The following BRD3 variants were observed in gnomAD, a reference collection of about 807,000 sequenced individuals.
The protein encoded by BRD3 is bromodomain containing 3.
BRD3 carries 17 observed loss-of-function variants against 66.8 expected under a neutral mutation model. The observed-to-expected ratio is 0.25, with a 90% CI of 0.17 to 0.38. The LOEUF (loss-of-function observed/expected upper bound fraction) is 0.38. Ranked by LOEUF, BRD3 falls within the 10% of genes least tolerant of loss-of-function variation. The probability of loss-of-function intolerance (pLI) is 1.00; values close to 1 mark genes in which losing one functional copy is unlikely to be tolerated. For missense variants in BRD3, 713 were observed against 956.1 expected, an observed-to-expected ratio of 0.75 and a Z score of 3.35; for synonymous variants, 421 against 393.2, an observed-to-expected ratio of 1.07 and a Z score of -0.84.
Position 134,045,778 on chromosome 9 carries a change from C to A in BRD3, c.1087-357G>T, listed in dbSNP as rs765975105. Reference sequence around the variant, plus strand: ...ACAAAGCGGGTAAATCTTCACACGCCGCCACGCCATCAGCAGCCCCAGGGG... The same window carrying A: ...ACAAAGCGGGTAAATCTTCACACGCAGCCACGCCATCAGCAGCCCCAGGGG... On this transcript the variant is annotated intron_variant, in intron 6 of 11. Transcript: ENST00000303407. The surrounding 1 kb of genome is among the most constrained non-coding windows in gnomAD (Gnocchi z 4.8). 6.6e-6 allele frequency among the ~76,000 whole-genome samples: 1 copy of A among 152,172 alleles called. No individual in the cohort carries two copies. The highest frequency in any genetic ancestry group is 1.5e-5 in the Non-Finnish European group (1 of 68,032).
chr9:134,038,941 A>G (rs1829983793), intron 9 of BRD3, among the ~76,000 whole-genome samples: 1 of 152,182 alleles, frequency 6.6e-6, no homozygotes, highest in Non-Finnish European at 1.5e-5. Context: ...CTGCCTCCAA[A>G]AAGGAGAGAG....
chr9:134,040,955 C>T (rs1428418790), intron 8 of BRD3, among the ~76,000 whole-genome samples: 6 of 152,172 alleles, frequency 3.9e-5, no homozygotes, highest in Admixed American at 6.5e-5. Context: ...TGTGAGTCCA[C>T]GGCCTGTCCC....
intron 1 of BRD3, among the ~76,000 whole-genome samples, chr9:134,060,542 T>G (rs993192370): frequency 1.3e-5 from 2 of 151,674 alleles, no homozygotes; most frequent in African/African-American, 2.4e-5. Flanking sequence ...CAGTCAGCTG[T>G]GATCGCACTG....
rs1830058534 is a variant in BRD3, at chr9:134,041,926, T to G, written c.1241A>C (p.Lys414Thr). ...TGCCTCCACGGGCTCATCTGGCATCTTGGCAAACCTCATCTCAAACACGTC... is the reference window on the plus strand; with the variant it reads ...TGCCTCCACGGGCTCATCTGGCATCGTGGCAAACCTCATCTCAAACACGTC... Reference protein sequence around the residue: ...LQDVFEMRFAKMPDEPVEAPA... With the variant: ...LQDVFEMRFATMPDEPVEAPA... Residue 414 changes from lysine to threonine, a missense_variant, in exon 8 of 12, where the codon AAG becomes ACG. Around this residue, in one of 5 missense-constraint regions of BRD3, gnomAD observed 418 missense variants for 609.3 expected, o/e 0.69. Transcript: ENST00000303407. 1 of 1,596,756 alleles carries G rather than the reference T, an allele frequency of 6.3e-7. No individual in the cohort carries two copies.
At chr9:134,064,524 G>A (rs962932668) in intron 1 of BRD3, among the ~76,000 whole-genome samples, 11 of 151,890 alleles carry the variant, frequency 7.2e-5, no homozygotes, top group Non-Finnish European at 1.5e-5. Context: ...CTGGGCAACA[G>A]AGTGATACTC....
intron 10 of BRD3, 66 bp downstream of exon 10, chr9:134,035,966 G>T (rs539084993): frequency 2.6e-6 from 4 of 1,539,274 alleles, no homozygotes; most frequent in Non-Finnish European, 3.5e-6. Flanking sequence ...CGTGAGGAGT[G>T]ACAGGAGGGG....
rs1020062060 is a variant in BRD3 at position 134,031,819 on chromosome 9, ACCACACCACAGCT to A, written c.*1758_*1770del. 2.7e-4 allele frequency: 60 copies of A among 221,084 alleles called. No homozygotes were observed. Among genetic ancestry groups the A allele is most frequent in the Non-Finnish European group, 4.4e-4 (48 of 110,268 alleles). The allele number at this position is 221,084 out of a possible 1,614,324, so 13.7% of individuals were successfully genotyped here. A position where few individuals can be genotyped will look rare whatever the true frequency, so the allele number is the denominator to read the frequency against. On this transcript the variant is annotated 3_prime_UTR_variant, in exon 12 of 12. Coordinates refer to ENST00000303407, the MANE Select transcript of BRD3 (RefSeq NM_007371.4). ...AAGCACTGGCCACCATACAGGACAG[ACCACACCACAGCT>A]CCATACCCAGCGTCTGCCTGGAGGC...
Position 134,035,920 on chromosome 9 carries a change from G to A in BRD3, c.1936+112C>T, listed in dbSNP as rs1199855926. The A allele has an allele frequency of 1.5e-5, 21 of 1,392,320 alleles. No individual in the cohort carries two copies. The African/African-American group carries it at 2.0e-4, about 14-fold the overall frequency. 86.2% of individuals were successfully genotyped at this position (1,392,320 alleles called of 1,614,324 possible). A position where few individuals can be genotyped will look rare whatever the true frequency, so the allele number is the denominator to read the frequency against. On this transcript the variant is annotated intron_variant, in intron 10 of 11. Coordinates refer to ENST00000303407, the MANE Select transcript of BRD3 (RefSeq NM_007371.4). The stretch of plus-strand genomic sequence containing the variant: ...GGTGGGACGAAGGAGCCAAGACAGC[G>A]TGGCAGCCCTGTGCCCAAGCTCGCC...
At position 134,043,951 on chromosome 9, in the gene BRD3, G is replaced by A. The variant is rs531837780; in HGVS notation, c.1215+1342C>T. On this transcript the variant is annotated intron_variant, in intron 7 of 11. Transcript: ENST00000303407. ...CTCCCAAAGTGCTGGAATTACAGGC[G>A]TGAGCACCATGTCTATCCAACAGCA... 6.6e-5 allele frequency among the ~76,000 whole-genome samples: 10 copies of A among 152,320 alleles called. No individual in the cohort carries two copies. The South Asian group carries it at 1.2e-3, about 19-fold the overall frequency.
chr9:134,051,414 A>G (rs908759080), intron 4 of BRD3, 148 bp downstream of exon 4: 6 of 784,554 alleles, frequency 7.6e-6, no homozygotes, highest in African/African-American at 7.4e-5. Context: ...CATCACCCAC[A>G]GGCCACACTC....
rs199794798 is a variant in BRD3 at position 134,051,515 on chromosome 9, G to A, written c.499+47C>T. The A allele has an allele frequency of 2.7e-3, 3,958 of 1,471,322 alleles. 8 individuals carry two copies. Among genetic ancestry groups the A allele is most frequent in the Non-Finnish European group, 3.3e-3 (3,659 of 1,124,874 alleles). The allele number at this position is 1,471,322 out of a possible 1,614,324, so 91.1% of individuals were successfully genotyped here. A position where few individuals can be genotyped will look rare whatever the true frequency, so the allele number is the denominator to read the frequency against. On this transcript the variant is annotated intron_variant, in intron 4 of 11. Coordinates refer to ENST00000303407, the MANE Select transcript of BRD3 (RefSeq NM_007371.4). ...CGCGTCCCAGCCCATCCACCCGTGG[G>A]CCTCTGCAGAGAGGCCCAGCCCCTC...
chr9:134,047,620 G>A (rs1830202705), intron 6 of BRD3, among the ~76,000 whole-genome samples: 1 of 152,218 alleles, frequency 6.6e-6, no homozygotes. Flanking sequence ...CTTCCGTCTT[G>A]TGAGGGGGTG....
At chr9:134,035,933 GCCCAA>G in intron 10 of BRD3, 94 bp downstream of exon 10, 1 of 1,464,160 alleles carries the variant, frequency 6.8e-7, no homozygotes, top group Admixed American at 2.4e-5. Context: ...GCAGCCCTGT[GCCCAA>G]GCTCGCCGCA....
intron 1 of BRD3, among the ~76,000 whole-genome samples, chr9:134,055,139 C>T (rs1225984681): frequency 6.6e-6 from 1 of 152,166 alleles, no homozygotes; most frequent in African/African-American, 2.4e-5. Context: ...GGCAGCACTG[C>T]CCCTCGCCAC....
chr9:134,042,036 C>T lies in BRD3; in HGVS notation c.1216-85G>A. The T allele has an allele frequency of 2.2e-6, 3 of 1,392,196 alleles. No homozygotes were observed. In the Admixed American group the frequency reaches 8.8e-5, roughly 41 times the overall value. The allele number at this position is 1,392,196 out of a possible 1,614,324, so 86.2% of individuals were successfully genotyped here. The stretch of plus-strand genomic sequence containing the variant: ...TGGGCCCTCAGGGTTTCTGAGGTGC[C>T]CCTGAGGCAGCACCCACAGCTGTTA... On this transcript the variant is annotated intron_variant, in intron 7 of 11. Transcript: ENST00000303407.
At chr9:134,038,978 A>G (rs1829984581) in intron 9 of BRD3, among the ~76,000 whole-genome samples, 1 of 152,124 alleles carries the variant, frequency 6.6e-6, no homozygotes, top group Non-Finnish European at 1.5e-5. Flanking sequence ...TAAGGGAAGG[A>G]AAGACCTATC....
intron 10 of BRD3, among the ~76,000 whole-genome samples, chr9:134,035,078 C>T (rs1185549035): frequency 6.6e-6 from 1 of 152,214 alleles, no homozygotes; most frequent in African/African-American, 2.4e-5. Context: ...AAGCCTGGAT[C>T]CTAAGGTGAC....
chr9:134,052,245 C>G, intron 3 of BRD3, 61 bp downstream of exon 3: 4 of 1,587,894 alleles, frequency 2.5e-6, no homozygotes, highest in African/African-American at 1.4e-5. Flanking sequence ...CCCAGGCCCA[C>G]TGCGTTGCAC....
chr9:134,046,883 T>C (rs910451030), intron 6 of BRD3, among the ~76,000 whole-genome samples: 5 of 152,256 alleles, frequency 3.3e-5, no homozygotes, highest in African/African-American at 1.2e-4. Flanking sequence ...TCAGACCCTT[T>C]GACCAAAATG....
Sources: gnomAD v4.1 joint callset for allele counts (sites outside exome capture counted in the v4.1 genomes callset) on GRCh38, gnomAD v4.1.1 for gene constraint, gnomAD v4.1.1 regional missense constraint, Gnocchi (gnomAD v3.1) non-coding constraint, MANE v1.5 for transcripts, NCBI Gene and HGNC (gene_info 2026-07-23, HGNC 2026-07-21) for gene names.